The following LINGO2 variants were observed in gnomAD, a reference collection of about 807,000 sequenced individuals.
The protein encoded by LINGO2 is leucine-rich repeat and immunoglobulin-like domain-containing nogo receptor-interacting protein 2.
A neutral mutation model predicts 30.6 loss-of-function variants in LINGO2; 14 were observed. The ratio of observed to expected loss-of-function variants is 0.46; its 90% CI spans 0.30 to 0.72. LINGO2 has a LOEUF of 0.72. Ranked by LOEUF, LINGO2 falls within the 30% of genes least tolerant of loss-of-function variation. LINGO2 has a pLI of 0.07. For synonymous variants in LINGO2, 317 were observed against 288.5 expected (o/e 1.10, Z -1.00); for missense variants, 729 against 751.7 (o/e 0.97, Z 0.35).
chr9:28,165,653 C>T (rs1828406293), intron 4 of LINGO2, among the ~76,000 whole-genome samples: 2 of 152,110 alleles, frequency 1.3e-5, no homozygotes, highest in African/African-American at 4.8e-5. Flanking sequence ...AATTGTTTTC[C>T]CTTTTTTCCT....
chr9:28,685,534 T>G, the LINGO2 span, among the ~76,000 whole-genome samples: 1 of 152,066 alleles, frequency 6.6e-6, no homozygotes, highest in Non-Finnish European at 1.5e-5. Flanking sequence ...TTGAGGCTTT[T>G]ATTTGAATCT....
chr9:28,347,048 C>T (rs1011933387), intron 3 of LINGO2, among the ~76,000 whole-genome samples: 2 of 151,970 alleles, frequency 1.3e-5, no homozygotes, highest in African/African-American at 4.8e-5. Context: ...TCCCATTTGT[C>T]AATTTTTGAA....
the LINGO2 span, among the ~76,000 whole-genome samples, chr9:28,998,514 CCTT>C: frequency 6.6e-6 from 1 of 151,976 alleles, no homozygotes; most frequent in Non-Finnish European, 1.5e-5. Context: ...ATAAAAATAT[CCTT>C]CTTAAAATGA....
chr9:28,276,558 C>T (rs1387635687), intron 4 of LINGO2, among the ~76,000 whole-genome samples: 1 of 152,148 alleles, frequency 6.6e-6, no homozygotes, highest in African/African-American at 2.4e-5. Context: ...TGTCTGTCTG[C>T]CACCATACTC....
rs913134096 is a variant in LINGO2, at chr9:28,233,818, T to C, written c.-87+61390A>G. 2.0e-5 allele frequency among the ~76,000 whole-genome samples: 3 copies of C among 152,244 alleles called. No individual in the cohort carries two copies. The East Asian group carries it at 5.8e-4, about 30-fold the overall frequency. On this transcript the variant is annotated intron_variant, in intron 4 of 5. Coordinates refer to ENST00000379992, the Ensembl canonical transcript of LINGO2. Reference sequence around the variant, plus strand: ...CCAGGCCCTAGCTCCCAGGTGACATTTCTAGGCAAGTCCTGGGCAAAAAGG... The same window carrying C: ...CCAGGCCCTAGCTCCCAGGTGACATCTCTAGGCAAGTCCTGGGCAAAAAGG...
At chr9:29,003,840 G>C in the LINGO2 span, among the ~76,000 whole-genome samples, 1 of 151,970 alleles carries the variant, frequency 6.6e-6, no homozygotes, top group Non-Finnish European at 1.5e-5. Flanking sequence ...ACTTATCTGA[G>C]GGAGAGAATC....
the LINGO2 span, among the ~76,000 whole-genome samples, chr9:28,848,907 C>T: frequency 2.6e-5 from 4 of 151,862 alleles, no homozygotes; most frequent in Admixed American, 6.6e-5. Flanking sequence ...AATTCTAACC[C>T]CTAAGGTGAT....
intron 2 of LINGO2, among the ~76,000 whole-genome samples, chr9:28,422,684 T>C (rs1823249267): frequency 6.6e-6 from 1 of 152,032 alleles, no homozygotes; most frequent in South Asian, 2.1e-4. Flanking sequence ...ATATGTGAAA[T>C]AACTAAAAGC....
At chr9:28,829,981 T>C in the LINGO2 span, among the ~76,000 whole-genome samples, 6 of 152,202 alleles carry the variant, frequency 3.9e-5, no homozygotes, top group Non-Finnish European at 5.9e-5. Flanking sequence ...ATAAGGAACA[T>C]ACATTCATAA....
intron 4 of LINGO2, among the ~76,000 whole-genome samples, chr9:28,220,235 G>A (rs757185557): frequency 1.3e-5 from 2 of 152,168 alleles, no homozygotes; most frequent in African/African-American, 4.8e-5. Flanking sequence ...TGTGGATACT[G>A]AGGGATGACT....
chr9:28,787,241 T>G, the LINGO2 span, among the ~76,000 whole-genome samples: 1 of 152,072 alleles, frequency 6.6e-6, no homozygotes, highest in African/African-American at 2.4e-5. Context: ...AGCTTAACAA[T>G]AATACAGTAT....
chr9:28,225,684 TA>T (rs762283417), intron 4 of LINGO2, among the ~76,000 whole-genome samples: 32 of 152,170 alleles, frequency 2.1e-4, no homozygotes, highest in Non-Finnish European at 3.7e-4. Flanking sequence ...TAAAATTCCT[TA>T]AATAGAAATA....
chr9:28,336,330 G>C (rs990757106), intron 3 of LINGO2, among the ~76,000 whole-genome samples: 9 of 152,086 alleles, frequency 5.9e-5, no homozygotes, highest in African/African-American at 2.2e-4. Context: ...TCATTTGATA[G>C]AGGATTTGGA....
At chr9:28,193,841 C>G (rs908408957) in intron 4 of LINGO2, among the ~76,000 whole-genome samples, 14 of 152,276 alleles carry the variant, frequency 9.2e-5, no homozygotes, top group African/African-American at 3.4e-4. Context: ...AGGAGCTGCC[C>G]AGGCATCTCT....
chr9:28,429,299 A>G (rs998231158), intron 2 of LINGO2, among the ~76,000 whole-genome samples: 1 of 152,178 alleles, frequency 6.6e-6, no homozygotes, highest in Non-Finnish European at 1.5e-5. Context: ...AAACCTCACA[A>G]GAGTTTTAAA....
At chr9:28,940,637 T>C in the LINGO2 span, among the ~76,000 whole-genome samples, 1 of 152,168 alleles carries the variant, frequency 6.6e-6, no homozygotes, top group African/African-American at 2.4e-5. Flanking sequence ...AAATCAGTTA[T>C]AACAAACATT....
chr9:28,441,046 A>G (rs1824170546), intron 2 of LINGO2, among the ~76,000 whole-genome samples: 1 of 151,988 alleles, frequency 6.6e-6, no homozygotes, highest in African/African-American at 2.4e-5. Flanking sequence ...AGAGAAATCC[A>G]CCCTCATGAA....
the LINGO2 span, among the ~76,000 whole-genome samples, chr9:28,971,375 T>C: frequency 5.3e-5 from 8 of 152,136 alleles, no homozygotes; most frequent in African/African-American, 1.7e-4. Context: ...TTAGATGGCA[T>C]TTCTGGACCT....
chr9:28,724,276 A>G, the LINGO2 span, among the ~76,000 whole-genome samples: 1 of 152,206 alleles, frequency 6.6e-6, no homozygotes, highest in South Asian at 2.1e-4. Context: ...TTACACCCCC[A>G]TGAGACACAC....
Sources: gnomAD v4.1 joint callset for allele counts (sites outside exome capture counted in the v4.1 genomes callset) on GRCh38, gnomAD v4.1.1 for gene constraint, MANE v1.5 for transcripts, NCBI Gene and HGNC (gene_info 2026-07-23, HGNC 2026-07-21) for gene names.